TTC4: variants seen among roughly 807,000 people sequenced by gnomAD.
TTC4 encodes the protein tetratricopeptide repeat domain 4.
TTC4 carries 36 observed loss-of-function variants against 51.9 expected under a neutral mutation model. The observed-to-expected ratio is 0.69, with a 90% CI of 0.53 to 0.92. The LOEUF (loss-of-function observed/expected upper bound fraction) is 0.92. Among genes scored for constraint, TTC4 ranks in the 40% least tolerant of loss-of-function variants. TTC4 has a pLI of 0.00. For synonymous variants in TTC4, 144 were observed against 164.2 expected, an observed-to-expected ratio of 0.88 and a Z score of 0.94; for missense variants, 399 against 454.6, an observed-to-expected ratio of 0.88 and a Z score of 1.11.
rs1477176704 is a variant in TTC4, at chr1:54,728,378, C to T, written c.627C>T (p.Asn209=). 2.5e-6 allele frequency: 4 copies of T among 1,613,194 alleles called. No individual in the cohort carries two copies. Among genetic ancestry groups the T allele is most frequent in the East Asian group, 2.2e-5 (1 of 44,840 alleles). ...RIEQRDVRKA[N]LKEKKERNQN... ...AACAGAGGGATGTGAGGAAAGCCAA[C>T]TTGAAAGAAAAGAAGGAGAGGAATC... Residue 209 remains asparagine, a synonymous_variant, in exon 6 of 10, where the codon AAC becomes AAT. Transcript: ENST00000371281.
Position 54,737,623 on chromosome 1 carries a change from G to A in TTC4, c.1020G>A (p.Val340=). 2 of 1,613,468 alleles carry A rather than the reference G, an allele frequency of 1.2e-6. No individual in the cohort carries two copies. Among genetic ancestry groups the A allele is most frequent in the East Asian group, 2.2e-5 (1 of 44,876 alleles). The change falls in exon 9 of 10, where the codon GTG becomes GTA. Residue 340 remains valine (V), a synonymous_variant. Transcript: ENST00000371281. ...EDEDRAELYR[V]PAKSTLLQVL... Reference sequence around the variant, plus strand: ...AGGACAGGGCAGAACTATACCGGGTGCCTGCCAAGAGCACCTTGCTACAGG... The same window carrying A: ...AGGACAGGGCAGAACTATACCGGGTACCTGCCAAGAGCACCTTGCTACAGG...
At chr1:54,735,257 T>G (rs1004989647) in intron 8 of TTC4, among the ~76,000 whole-genome samples, 2 of 152,184 alleles carry the variant, frequency 1.3e-5, no homozygotes, top group African/African-American at 4.8e-5. Flanking sequence ...TTGCTCTTGT[T>G]GCCCAGGCTG....
At chr1:54,725,365 A>C (rs1234645855) in intron 5 of TTC4, among the ~76,000 whole-genome samples, 1 of 152,242 alleles carries the variant, frequency 6.6e-6, no homozygotes, top group Non-Finnish European at 1.5e-5. Flanking sequence ...AAAGCTTAAA[A>C]GGAAAAACTG....
intron 3 of TTC4, among the ~76,000 whole-genome samples, chr1:54,720,090 G>A (rs1180974): frequency 0.43 from 64,771 of 151,758 alleles, 15,126 homozygotes; most frequent in East Asian, 0.83. Context: ...TTTGTAGAGA[G>A]AGAGTCTTGC....
chr1:54,719,826 G>A (rs1172410477), intron 3 of TTC4, among the ~76,000 whole-genome samples: 1 of 151,270 alleles, frequency 6.6e-6, no homozygotes, highest in East Asian at 1.9e-4. Flanking sequence ...GCTAAAGCAC[G>A]ATTTGGCAAA....
intron 5 of TTC4, among the ~76,000 whole-genome samples, chr1:54,726,494 G>C (rs535557373): frequency 2.6e-5 from 4 of 152,268 alleles, no homozygotes; most frequent in African/African-American, 9.6e-5. Flanking sequence ...AAGCTTGTTG[G>C]AAACAACATC....
intron 3 of TTC4, among the ~76,000 whole-genome samples, chr1:54,717,929 C>A (rs1645695397): frequency 6.6e-6 from 1 of 152,108 alleles, no homozygotes; most frequent in Non-Finnish European, 1.5e-5. Context: ...ATTTTTGAGC[C>A]CAAGGGCTTC....
At chr1:54,717,401 C>A in intron 2 of TTC4, 91 bp from the exon 3 acceptor site, 1 of 1,214,322 alleles carries the variant, frequency 8.2e-7, no homozygotes, top group Non-Finnish European at 1.1e-6. Context: ...TTTGGTGTGT[C>A]ATATAGTACA....
At chr1:54,733,531 T>G (rs984338741) in intron 7 of TTC4, 98 bp from the exon 8 acceptor site, 3 of 891,300 alleles carry the variant, frequency 3.4e-6, no homozygotes, top group Non-Finnish European at 5.0e-6. Context: ...TTTCATGTTT[T>G]ATACATTCTA....
intron 9 of TTC4, among the ~76,000 whole-genome samples, chr1:54,738,656 A>G (rs1190326080): frequency 4.5e-5 from 6 of 133,476 alleles, no homozygotes; most frequent in Admixed American, 4.3e-4. Flanking sequence ...GGCTGCTAGG[A>G]TGGCCTTTTT....
intron 7 of TTC4, 103 bp from the exon 8 acceptor site, chr1:54,733,526 T>G: frequency 1.2e-6 from 1 of 811,722 alleles, no homozygotes; most frequent in Non-Finnish European, 1.9e-6. Context: ...CTGCATTTCA[T>G]GTTTTATACA....
At chr1:54,735,768 T>C (rs147953814) in intron 8 of TTC4, among the ~76,000 whole-genome samples, 130 of 152,358 alleles carry the variant, frequency 8.5e-4, no homozygotes, top group Non-Finnish European at 1.7e-3. Flanking sequence ...TCAACATATT[T>C]ATTTATATTG....
At chr1:54,738,422 G>A (rs967111662) in intron 9 of TTC4, among the ~76,000 whole-genome samples, 3 of 152,062 alleles carry the variant, frequency 2.0e-5, no homozygotes, top group Admixed American at 6.6e-5. Context: ...TTCTCATTCC[G>A]CTGCTGACTG....
At position 54,717,407 on chromosome 1, in the gene TTC4, G is replaced by A. The variant is rs562820768; in HGVS notation, c.230-85G>A. 8.5e-6 allele frequency: 11 copies of A among 1,290,572 alleles called. No homozygotes were observed. In the Admixed American group the frequency reaches 2.0e-4, roughly 23 times the overall value. The allele number at this position is 1,290,572 out of a possible 1,614,324, so 79.9% of individuals were successfully genotyped here. On this transcript the variant is annotated intron_variant, in intron 2 of 9. Transcript: ENST00000371281. ...TTTCTTCGCTTTGGTGTGTCATATAGTACATTATTACATGATTTAGAATCT... is the reference window on the plus strand; with the variant it reads ...TTTCTTCGCTTTGGTGTGTCATATAATACATTATTACATGATTTAGAATCT...
In TTC4 at chr1:54,737,643, T is replaced by C; in HGVS notation, c.1040T>C (p.Leu347Pro). 1 of 1,612,886 alleles carries C rather than the reference T, an allele frequency of 6.2e-7. No individual in the cohort carries two copies. ...CGGGTGCCTGCCAAGAGCACCTTGC[T>C]ACAGGTTCTACAGCACCAGAGGTGA... ...LYRVPAKSTL[L>P]QVLQHQRYFV... Residue 347 changes from leucine (L) to proline (P), a missense_variant, in exon 9 of 10, where the codon CTA becomes CCA. Around this residue, in one of 3 missense-constraint regions of TTC4, gnomAD observed 64 missense variants for 61.3 expected, o/e 1.04. Transcript: ENST00000371281.
intron 3 of TTC4, 108 bp from the exon 4 acceptor site, chr1:54,721,054 AT>A (rs967700885): frequency 1.9e-6 from 2 of 1,042,270 alleles, no homozygotes; most frequent in Non-Finnish European, 2.8e-6. Context: ...AGTTGCTCTC[AT>A]TTGTATTTCC....
intron 8 of TTC4, 87 bp downstream of exon 8, chr1:54,733,797 T>C (rs769821524): frequency 3.3e-6 from 3 of 895,928 alleles, no homozygotes; most frequent in Non-Finnish European, 5.0e-6. Flanking sequence ...CAGTCTGCTT[T>C]ATTTTTTTGA....
At chr1:54,726,411 A>G (rs894651515) in intron 5 of TTC4, among the ~76,000 whole-genome samples, 1 of 152,196 alleles carries the variant, frequency 6.6e-6, no homozygotes, top group Non-Finnish European at 1.5e-5. Context: ...AACCATCTAT[A>G]TGCAGACAAC....
chr1:54,717,735 G>A (rs1436713163), intron 3 of TTC4, 82 bp downstream of exon 3: 1 of 1,283,076 alleles, frequency 7.8e-7, no homozygotes, highest in Non-Finnish European at 1.0e-6. Context: ...AACATCAGAG[G>A]ATGAGGGGCT....
Sources: allele counts gnomAD v4.1 joint callset (sites outside exome capture counted in the v4.1 genomes callset), GRCh38; gene constraint gnomAD v4.1.1; regional missense constraint gnomAD v4.1.1; transcripts MANE v1.5; gene names NCBI Gene and HGNC (gene_info 2026-07-23, HGNC 2026-07-21).